The following CCDC195 variants were observed in gnomAD, a reference collection of about 807,000 sequenced individuals.
The protein encoded by CCDC195 is coiled-coil domain containing 195, also known as coiled-coil domain-containing protein 195.
chr2:224,705,987 A>G (rs998501453), intron 2 of CCDC195, among the ~76,000 whole-genome samples: 10 of 152,090 alleles, frequency 6.6e-5, no homozygotes, highest in Non-Finnish European at 2.9e-5. Flanking sequence ...GGAAAAACTA[A>G]TAGTACTATA....
chr2:224,707,596 G>A (rs886125085), intron 2 of CCDC195, among the ~76,000 whole-genome samples: 1 of 152,084 alleles, frequency 6.6e-6, no homozygotes, highest in African/African-American at 2.4e-5. Context: ...ACTTAACACC[G>A]TCTAACATAA....
At chr2:224,707,784 A>C (rs1477637780) in intron 2 of CCDC195, among the ~76,000 whole-genome samples, 1 of 152,248 alleles carries the variant, frequency 6.6e-6, no homozygotes, top group East Asian at 1.9e-4. Context: ...TAATAAAAGT[A>C]TAAAAACCTA....
intron 1 of CCDC195, among the ~76,000 whole-genome samples, chr2:224,715,401 G>T (rs563167401): frequency 1.3e-5 from 2 of 151,820 alleles, no homozygotes; most frequent in African/African-American, 4.8e-5. Context: ...TGAGAGATTT[G>T]ATTTTTAGAA....
intron 2 of CCDC195, among the ~76,000 whole-genome samples, chr2:224,705,848 G>T (rs1163275229): frequency 6.6e-6 from 1 of 151,546 alleles, no homozygotes; most frequent in Non-Finnish European, 1.5e-5. Flanking sequence ...CATTAGAAAT[G>T]GGTTGTATTC....
At chr2:224,707,996 C>A (rs1461607604) in intron 2 of CCDC195, among the ~76,000 whole-genome samples, 2 of 48,230 alleles carry the variant, frequency 4.1e-5, no homozygotes, top group Non-Finnish European at 3.9e-5. Flanking sequence ...CCCTCCCTCC[C>A]TCCCTTCCTT....
At chr2:224,707,532 C>T (rs79653038) in intron 2 of CCDC195, among the ~76,000 whole-genome samples, 1,706 of 152,342 alleles carry the variant, frequency 0.011, 35 homozygotes, top group African/African-American at 0.036. Flanking sequence ...TGGTATCAAA[C>T]ATTTCATTAT....
chr2:224,714,305 T>G (rs1333755072), intron 1 of CCDC195, among the ~76,000 whole-genome samples: 1 of 152,250 alleles, frequency 6.6e-6, no homozygotes, highest in Non-Finnish European at 1.5e-5. Flanking sequence ...CAATACTCTG[T>G]TCTTTGAACT....
intron 2 of CCDC195, among the ~76,000 whole-genome samples, chr2:224,706,509 CTTT>C (rs35298629): frequency 1.0e-5 from 1 of 95,722 alleles, no homozygotes; most frequent in African/African-American, 3.9e-5. Flanking sequence ...CTGGCTGTAA[CTTT>C]TTTTTTTTTT....
rs148553905 is a variant in CCDC195, at chr2:224,709,202, C to T, written c.482+771G>A. On this transcript the variant is annotated intron_variant, in intron 2 of 2. Coordinates refer to ENST00000638102, the Ensembl canonical transcript of CCDC195. The stretch of plus-strand genomic sequence containing the variant: ...CTCCCAGGTTCAAGTGATTCTCCTG[C>T]CTCAGACTCCCAAGTAGCTGAGGCT... 2.2e-3 allele frequency among the ~76,000 whole-genome samples: 330 copies of T among 150,252 alleles called. 1 individual carries two copies. Among genetic ancestry groups the T allele is most frequent in the African/African-American group, 7.5e-3 (307 of 40,916 alleles).
chr2:224,705,846 A>G (rs868442439), intron 2 of CCDC195, among the ~76,000 whole-genome samples: 5 of 152,184 alleles, frequency 3.3e-5, no homozygotes, highest in Admixed American at 3.3e-4. Context: ...TACATTAGAA[A>G]TGGGTTGTAT....
intron 1 of CCDC195, among the ~76,000 whole-genome samples, chr2:224,712,236 C>T (rs1244972933): frequency 2.6e-5 from 4 of 152,172 alleles, no homozygotes; most frequent in Non-Finnish European, 5.9e-5. Flanking sequence ...TCAAAGATCA[C>T]AGCCAAATGC....
At chr2:224,709,845 T>A (rs928798261) in intron 2 of CCDC195, 128 bp downstream of exon 2, 2 of 397,146 alleles carry the variant, frequency 5.0e-6, no homozygotes, top group Non-Finnish European at 4.4e-6. Context: ...ATAGGTAATA[T>A]GGAAATTATT....
intron 2 of CCDC195, among the ~76,000 whole-genome samples, chr2:224,704,422 A>T (rs1697213231): frequency 1.3e-5 from 2 of 152,160 alleles, no homozygotes; most frequent in African/African-American, 4.8e-5. Flanking sequence ...CATAGAATTT[A>T]GACATTAACC....
chr2:224,706,435 C>G (rs1210721468), intron 2 of CCDC195, among the ~76,000 whole-genome samples: 1 of 150,460 alleles, frequency 6.6e-6, no homozygotes, highest in African/African-American at 2.4e-5. Flanking sequence ...GAACTCTTGG[C>G]CTCAGGTGAT....
At chr2:224,710,083 T>C (rs1689295993) in exon 2 of CCDC195, 1 of 398,612 alleles carries the variant, frequency 2.5e-6, no homozygotes, top group East Asian at 3.6e-5. Flanking sequence ...TTGGAGAACA[T>C]GCCAATGACT....
exon 1 of CCDC195, chr2:224,716,151 G>C: frequency 2.5e-6 from 1 of 398,730 alleles, no homozygotes; most frequent in Non-Finnish European, 4.4e-6. Context: ...CTGCACTGCT[G>C]GTGCTGCATC....
At position 224,709,963 on chromosome 2, in the gene CCDC195, T is replaced by A; in HGVS notation, c.482+10A>T. The A allele has an allele frequency of 2.5e-6, 1 of 398,614 alleles. No homozygotes were observed. The highest frequency in any genetic ancestry group is 4.4e-6 in the Non-Finnish European group (1 of 226,066). The allele number at this position is 398,614 out of a possible 1,614,324, so 24.7% of individuals were successfully genotyped here. On this transcript the variant is annotated intron_variant, in intron 2 of 2. Coordinates refer to ENST00000638102, the Ensembl canonical transcript of CCDC195. ...GCCTATTCACCAGCTTGAAGTGTAT[T>A]TTACATTACCTGCAACCACAAACAT...
exon 2 of CCDC195, chr2:224,710,013 T>C (rs997424030): frequency 1.0e-5 from 4 of 398,508 alleles, no homozygotes; most frequent in African/African-American, 8.2e-5. Flanking sequence ...CTTTGGCTGG[T>C]CCTATTGCTG....
At chr2:224,711,911 C>A (rs1689323408) in intron 1 of CCDC195, among the ~76,000 whole-genome samples, 1 of 152,178 alleles carries the variant, frequency 6.6e-6, no homozygotes. Context: ...TCTTTAAATG[C>A]TCCCCTTGGT....
Sources: gnomAD v4.1 joint callset for allele counts (sites outside exome capture counted in the v4.1 genomes callset) on GRCh38, gnomAD v4.1.1 for gene constraint, MANE v1.5 for transcripts, NCBI Gene and HGNC (gene_info 2026-07-23, HGNC 2026-07-21) for gene names.